CCL1: variants seen among roughly 807,000 people sequenced by gnomAD.
The protein encoded by CCL1 is C-C motif chemokine 1.
Under a neutral mutation model 7.5 loss-of-function variants are expected in CCL1, and 9 were observed. That is an observed-to-expected ratio of 1.20 (90% CI 0.72 to 2.09). The LOEUF is 2.09. Among genes scored for constraint, CCL1 ranks in the 30% most tolerant of loss-of-function variants. The pLI is 0.00. For synonymous variants in CCL1, 48 were observed against 44.7 expected (o/e 1.07, Z -0.30); for missense variants, 110 against 113.7 (o/e 0.97, Z 0.15).
At position 34,363,199 on chromosome 17, in the gene CCL1, T is replaced by C. The variant is rs1402322599; in HGVS notation, c.-38A>G. The C allele has an allele frequency of 1.3e-6, 2 of 1,599,044 alleles. No individual in the cohort carries two copies. The highest frequency in any genetic ancestry group is 1.3e-5 in the African/African-American group (1 of 74,778). On this transcript the variant is annotated 5_prime_UTR_variant, in exon 1 of 3. Transcript: ENST00000225842. ...GGCTTGGGCCTTCCTGGAGCAGCTT[T>C]GATGAGCCTGGTGAAGCTAAGAGCT... is the stretch of plus-strand genomic sequence containing the variant.
intron 2 of CCL1, 44 bp downstream of exon 2, chr17:34,361,741 G>T: frequency 8.1e-7 from 1 of 1,237,730 alleles, no homozygotes; most frequent in Non-Finnish European, 1.2e-6. Context: ...CCAGGCTGGC[G>T]GGGTTCTGTT....
chr17:34,363,138 C>A lies in CCL1; in HGVS notation c.24G>T (p.Leu8=). The change falls in exon 1 of 3, where the codon CTG becomes CTT. Residue 8 remains leucine, a synonymous_variant. Coordinates refer to ENST00000225842, the MANE Select transcript of CCL1 (RefSeq NM_002981.2). ...ACATCCCAGCTAGCAGCAAGCACAC[C>A]AGGGCTGTGGTGATGATCTGCATGT... The part of the protein sequence containing the change: MQIITTA[L]VCLLLAGMWP... The A allele has an allele frequency of 6.2e-7, 1 of 1,613,834 alleles. No homozygotes were observed. The highest frequency in any genetic ancestry group is 8.5e-7 in the Non-Finnish European group (1 of 1,180,020).
intron 2 of CCL1, 73 bp downstream of exon 2, chr17:34,361,712 A>G: frequency 2.0e-6 from 2 of 995,030 alleles, no homozygotes; most frequent in South Asian, 1.3e-5. Flanking sequence ...ACTGTCATCT[A>G]GTGTCTACTC....
At chr17:34,362,977 G>C in intron 1 of CCL1, 109 bp downstream of exon 1, 1 of 949,178 alleles carries the variant, frequency 1.1e-6, no homozygotes, top group Admixed American at 1.9e-5. Context: ...GGTAGGAAGA[G>C]GGGAGATAGA....
At position 34,360,561 on chromosome 17, in the gene CCL1, A is replaced by AT; in HGVS notation, c.288dup (p.Ter97MetfsTer34). 6.2e-7 allele frequency: 1 copy of AT among 1,612,174 alleles called. No individual in the cohort carries two copies. The highest frequency in any genetic ancestry group is 8.5e-7 in the Non-Finnish European group (1 of 1,178,450). On this transcript the variant is annotated frameshift_variant, in exon 3 of 3. Coordinates refer to ENST00000225842, the MANE Select transcript of CCL1 (RefSeq NM_002981.2). LOFTEE classifies it high-confidence loss of function. ...GCCCACAATGGAAAGAAATCTGCTC[A>AT]TTTTCTTTTTGACGGGCAGTGCCTC...
At position 34,360,590 on chromosome 17, in the gene CCL1, A is replaced by G; in HGVS notation, c.260T>C (p.Met87Thr). The G allele has an allele frequency of 1.2e-6, 2 of 1,613,678 alleles. No individual in the cohort carries two copies. Among genetic ancestry groups the G allele is most frequent in the Non-Finnish European group, 1.7e-6 (2 of 1,179,918 alleles). ...TCTTTTTGACGGGCAGTGCCTCAGC[A>G]TTTTTCTGTGCCTCTGAACCCATCC... ...TVGWVQRHRKMLRHCPSKRK is the reference protein window; with the variant it reads ...TVGWVQRHRKTLRHCPSKRK The change falls in exon 3 of 3, where the codon ATG becomes ACG. Residue 87 changes from methionine to threonine, a missense_variant. Coordinates refer to ENST00000225842, the MANE Select transcript of CCL1 (RefSeq NM_002981.2).
In CCL1 at chr17:34,360,610, C is replaced by T; in HGVS notation, c.240G>A (p.Trp80Ter). 1 of 1,613,702 alleles carries T rather than the reference C, an allele frequency of 6.2e-7. No individual in the cohort carries two copies. Among genetic ancestry groups the T allele is most frequent in the African/African-American group, 1.3e-5 (1 of 74,964 alleles). ...KEACALDTVG[W>*]VQRHRKMLRH... Reference sequence around the variant, plus strand: ...TCAGCATTTTTCTGTGCCTCTGAACCCATCCAACTGTGTCCAAGGCGCAGG... The same window carrying T: ...TCAGCATTTTTCTGTGCCTCTGAACTCATCCAACTGTGTCCAAGGCGCAGG... The change falls in exon 3 of 3, where the codon TGG (tryptophan) becomes TGA (stop). Residue 80 changes from tryptophan (W) to a stop codon, truncating the protein, a stop_gained. Transcript: ENST00000225842. LOFTEE classifies it low-confidence loss of function (END_TRUNC).
chr17:34,362,071 TAAA>T (rs1345452793), intron 1 of CCL1, among the ~76,000 whole-genome samples, 175 bp from the exon 2 acceptor site: 2 of 152,098 alleles, frequency 1.3e-5, no homozygotes, highest in Non-Finnish European at 2.9e-5. Context: ...TGGGGCTAGG[TAAA>T]GAGTCAGAAG....
rs747032725 is a variant in CCL1, at chr17:34,361,850, C to A, written c.123G>T (p.Glu41Asp). Reference protein sequence around the residue: ...SRCCFSFAEQEIPLRAILCYR... With the variant: ...SRCCFSFAEQDIPLRAILCYR... The stretch of plus-strand genomic sequence containing the variant: ...AACACAGGATTGCCCTCAGGGGAAT[C>A]TCTTGCTCCGCAAATGAGAAGCAAC... The change falls in exon 2 of 3, where the codon GAG (glutamate) becomes GAT (aspartate). Residue 41 changes from glutamate to aspartate, a missense_variant. Physicochemically the swap from Glu to Asp is conservative, Grantham distance 45. Transcript: ENST00000225842. The A allele has an allele frequency of 6.2e-7, 1 of 1,613,314 alleles. No individual in the cohort carries two copies.
chr17:34,361,060 C>T (rs915485830), intron 2 of CCL1, among the ~76,000 whole-genome samples: 3 of 148,598 alleles, frequency 2.0e-5, no homozygotes, highest in Non-Finnish European at 4.5e-5. Context: ...TGTGTGTGTG[C>T]GCGCGCCTTG....
intron 1 of CCL1, 32 bp downstream of exon 1, chr17:34,363,054 G>A (rs1285754367): frequency 6.2e-7 from 1 of 1,605,718 alleles, no homozygotes; most frequent in African/African-American, 1.3e-5. Flanking sequence ...GCCCTCCCCA[G>A]AGAGAAGCAA....
At chr17:34,362,731 C>T (rs1190589737) in intron 1 of CCL1, among the ~76,000 whole-genome samples, 1 of 152,182 alleles carries the variant, frequency 6.6e-6, no homozygotes, top group Non-Finnish European at 1.5e-5. Flanking sequence ...CCGGTCTTGC[C>T]TTCTGACTCT....
chr17:34,360,773 GC>G lies in CCL1; in HGVS notation c.189-113del, dbSNP rs1910485668. The G allele has an allele frequency of 7.8e-6, 6 of 768,188 alleles. No homozygotes were observed. The South Asian group carries it at 8.8e-5, about 11-fold the overall frequency. 47.6% of individuals were successfully genotyped at this position (768,188 alleles called of 1,614,324 possible). ...AGGTCCCCTAAACTGCTCTTGCTAG[GC>G]CTTGGGCTCCCCTCTGTAAATGAAG... On this transcript the variant is annotated intron_variant, in intron 2 of 2. Transcript: ENST00000225842.
intron 2 of CCL1, 76 bp downstream of exon 2, chr17:34,361,709 T>C: frequency 1.0e-6 from 1 of 983,858 alleles, no homozygotes; most frequent in East Asian, 2.4e-5. Flanking sequence ...AATACTGTCA[T>C]CTAGTGTCTA....
At chr17:34,362,029 G>A (rs1377901942) in intron 1 of CCL1, 133 bp from the exon 2 acceptor site, 15 of 577,316 alleles carry the variant, frequency 2.6e-5, no homozygotes, top group South Asian at 2.1e-4. Flanking sequence ...AGACGGTGCC[G>A]GCATAGCTCT....
At chr17:34,360,753 C>T (rs1357233821) in intron 2 of CCL1, 92 bp from the exon 3 acceptor site, 6 of 913,804 alleles carry the variant, frequency 6.6e-6, no homozygotes, top group Middle Eastern at 3.2e-4. Context: ...CTGCCAGGTC[C>T]CCTAAACTGC....
chr17:34,361,595 T>C (rs903041146), intron 2 of CCL1, among the ~76,000 whole-genome samples, 190 bp downstream of exon 2: 1 of 152,248 alleles, frequency 6.6e-6, no homozygotes, highest in Non-Finnish European at 1.5e-5. Context: ...CACAGATGCA[T>C]CCTTCCTCAC....
chr17:34,363,003 G>T, intron 1 of CCL1, 83 bp downstream of exon 1: 2 of 1,285,174 alleles, frequency 1.6e-6, no homozygotes, highest in South Asian at 1.2e-5. Flanking sequence ...TGAGTTCAAG[G>T]AGAAGCCTGC....
At chr17:34,361,694 G>A (rs41338755) in intron 2 of CCL1, 91 bp downstream of exon 2, 30,063 of 885,808 alleles carry the variant, frequency 0.034, 724 homozygotes, top group Non-Finnish European at 0.041. Flanking sequence ...ACCTTATTCT[G>A]GTAAAATACT....
Sources: gnomAD v4.1 joint callset for allele counts (sites outside exome capture counted in the v4.1 genomes callset) on GRCh38, gnomAD v4.1.1 for gene constraint, MANE v1.5 for transcripts, NCBI Gene and HGNC (gene_info 2026-07-23, HGNC 2026-07-21) for gene names.